The following ZNF831 variants were observed in gnomAD, a reference collection of about 807,000 sequenced individuals.
ZNF831 encodes zinc finger protein 831.
A neutral mutation model predicts 95.8 loss-of-function variants in ZNF831; 59 were observed. The observed-to-expected ratio is 0.62, with a 90% confidence interval of 0.50 to 0.77. The LOEUF (loss-of-function observed/expected upper bound fraction) is 0.77, where lower values mean the gene tolerates loss of function less well. ZNF831 is among the 30% of genes least tolerant of loss of function. The probability of loss-of-function intolerance (pLI) is 0.00; values close to 1 mark genes in which losing one functional copy is unlikely to be tolerated. For synonymous variants in ZNF831, 961 were observed against 925.5 expected, an observed-to-expected ratio of 1.04 and a Z score of -0.70; for missense variants, 2,205 against 2,164.0, an observed-to-expected ratio of 1.02 and a Z score of -0.38.
At chr20:59,138,020 A>T (rs1157578546) in intron 1 of ZNF831, among the ~76,000 whole-genome samples, 3 of 152,244 alleles carry the variant, frequency 2.0e-5, no homozygotes, top group Non-Finnish European at 4.4e-5. Flanking sequence ...TGTATGAATT[A>T]CTTGACATAT....
chr20:59,202,159 A>G (rs1039683540), intron 3 of ZNF831, among the ~76,000 whole-genome samples: 1 of 152,140 alleles, frequency 6.6e-6, no homozygotes, highest in African/African-American at 2.4e-5. Context: ...TCCCTGGCCT[A>G]TTGCAGTGCC....
At chr20:59,221,457 A>AC (rs1214725831) in intron 4 of ZNF831, among the ~76,000 whole-genome samples, 7 of 152,186 alleles carry the variant, frequency 4.6e-5, no homozygotes, top group African/African-American at 1.4e-4. Context: ...TAAATAGTTC[A>AC]CACTGGCCCT....
At chr20:59,135,669 G>A (rs984006303) in intron 1 of ZNF831, among the ~76,000 whole-genome samples, 1 of 152,104 alleles carries the variant, frequency 6.6e-6, no homozygotes, top group African/African-American at 2.4e-5. Flanking sequence ...GGGCGGAGCT[G>A]GCAGTGAGCC....
chr20:59,200,518 T>C (rs1984452750), intron 3 of ZNF831, among the ~76,000 whole-genome samples: 1 of 152,166 alleles, frequency 6.6e-6, no homozygotes, highest in Admixed American at 6.5e-5. Context: ...AAACATACAA[T>C]TAAATAAATT....
chr20:59,243,766 G>GAGATTTCT (rs1987455096), intron 4 of ZNF831, among the ~76,000 whole-genome samples: 1 of 152,180 alleles, frequency 6.6e-6, no homozygotes, highest in Non-Finnish European at 1.5e-5. Flanking sequence ...TCCCCAGAGT[G>GAGATTTCT]TAAATCTTAA....
rs775399594 is a variant in ZNF831 at position 59,254,208 on chromosome 20, G to A, written c.4499G>A (p.Arg1500Lys). 1 of 1,614,092 alleles carries A rather than the reference G, an allele frequency of 6.2e-7. No homozygotes were observed. The highest frequency in any genetic ancestry group is 1.1e-5 in the South Asian group (1 of 91,064). ...GCCGTTTGTATTTCTCTGCCAGTGA[G>A]AACAGATCACATAGCCCAGGAAATT... ...VAAVCISLPV[R>K]TDHIAQEIHS... Residue 1500 changes from arginine to lysine, a missense_variant, in exon 6 of 6, where the codon AGA becomes AAA. Transcript: ENST00000371030. This position sits in a 1 kb window ranked among gnomAD's most constrained non-coding sequence, Gnocchi z 4.5.
In ZNF831 at chr20:59,194,604, C is replaced by G. The variant is rs377420696; in HGVS notation, c.3585C>G (p.Pro1195=). The G allele has an allele frequency of 1.2e-6, 2 of 1,612,426 alleles. No individual in the cohort carries two copies. The highest frequency in any genetic ancestry group is 4.5e-5 in the East Asian group (2 of 44,872). The change falls in exon 2 of 6, where the codon CCC becomes CCG. Residue 1195 remains proline (P), a synonymous_variant. Coordinates refer to ENST00000371030, the MANE Select transcript of ZNF831 (RefSeq NM_178457.3). ...WCCLSRSVPL[P]AEQKAKAASV... is the part of the protein sequence containing the mutation. ...GCCTGAGCCGCAGTGTCCCTCTGCC[C>G]GCGGAGCAGAAGGCAAAGGCGGCAT... is the stretch of plus-strand genomic sequence containing the variant.
chr20:59,136,531 C>T (rs1473068381), intron 1 of ZNF831, among the ~76,000 whole-genome samples: 1 of 152,176 alleles, frequency 6.6e-6, no homozygotes, highest in Non-Finnish European at 1.5e-5. Flanking sequence ...CCCTCTGACA[C>T]CCAACTGTTG....
intron 2 of ZNF831, among the ~76,000 whole-genome samples, chr20:59,149,226 C>T (rs1435263571): frequency 1.3e-5 from 2 of 152,194 alleles, no homozygotes; most frequent in South Asian, 4.1e-4. Context: ...AAAACCTAGA[C>T]TCCCTTTGCT....
chr20:59,202,119 T>C (rs1984572389), intron 3 of ZNF831, among the ~76,000 whole-genome samples: 1 of 152,208 alleles, frequency 6.6e-6, no homozygotes, highest in Admixed American at 6.5e-5. Context: ...ATGGTAAATC[T>C]GGTTACTTTT....
At chr20:59,206,796 T>TA in intron 3 of ZNF831, 109 bp from the exon 4 acceptor site, 2 of 1,232,714 alleles carry the variant, frequency 1.6e-6, no homozygotes. Flanking sequence ...ACCAGCTAGT[T>TA]AGAGGTTGAG....
intron 2 of ZNF831, among the ~76,000 whole-genome samples, chr20:59,195,442 G>A (rs951203042): frequency 1.3e-5 from 2 of 152,212 alleles, no homozygotes; most frequent in Non-Finnish European, 2.9e-5. Flanking sequence ...ACAAAGGCCC[G>A]GAGACCAGAG....
intron 1 of ZNF831, among the ~76,000 whole-genome samples, chr20:59,134,458 G>A (rs1170291818): frequency 6.6e-6 from 1 of 152,178 alleles, no homozygotes. Context: ...CAGCTGCATG[G>A]GTCTTTCTTT....
At chr20:59,187,919 C>A (rs1417781936) in intron 1 of ZNF831, among the ~76,000 whole-genome samples, 2 of 152,212 alleles carry the variant, frequency 1.3e-5, no homozygotes, top group Non-Finnish European at 2.9e-5. Flanking sequence ...TTGTGTCTGG[C>A]TTCTTTCATG....
chr20:59,202,753 C>T (rs1027663123), intron 3 of ZNF831, among the ~76,000 whole-genome samples: 1 of 152,150 alleles, frequency 6.6e-6, no homozygotes, highest in African/African-American at 2.4e-5. Flanking sequence ...TCAGCTGCAC[C>T]AGAGCATGAA....
At chr20:59,200,208 C>A (rs1184560051) in intron 3 of ZNF831, among the ~76,000 whole-genome samples, 1 of 152,174 alleles carries the variant, frequency 6.6e-6, no homozygotes, top group Non-Finnish European at 1.5e-5. Context: ...CATTAGGAAT[C>A]CACAGGGCTA....
chr20:59,214,816 G>C (rs1022302132), intron 4 of ZNF831, among the ~76,000 whole-genome samples: 1 of 152,218 alleles, frequency 6.6e-6, no homozygotes, highest in Non-Finnish European at 1.5e-5. Flanking sequence ...AGAATGTAGG[G>C]AGGTAGGGGG....
chr20:59,216,098 T>C (rs867814016), intron 4 of ZNF831, among the ~76,000 whole-genome samples: 2 of 152,228 alleles, frequency 1.3e-5, no homozygotes, highest in Non-Finnish European at 2.9e-5. Context: ...ATTTAACTTT[T>C]TGCTTATCAA....
At chr20:59,142,524 T>C (rs1456053506) in intron 1 of ZNF831, among the ~76,000 whole-genome samples, 1 of 152,210 alleles carries the variant, frequency 6.6e-6, no homozygotes, top group Non-Finnish European at 1.5e-5. Context: ...GAGCACAAGA[T>C]GACGTTAGGG....
Sources: allele counts gnomAD v4.1 joint callset (sites outside exome capture counted in the v4.1 genomes callset), GRCh38; gene constraint gnomAD v4.1.1; non-coding constraint Gnocchi (gnomAD v3.1); transcripts MANE v1.5; gene names NCBI Gene and HGNC (gene_info 2026-07-23, HGNC 2026-07-21).